The following ENAM variants were observed in gnomAD, a reference collection of about 807,000 sequenced individuals.
ENAM encodes enamelin.
Under a neutral mutation model 33.6 loss-of-function variants are expected in ENAM, and 21 were observed. That is an observed-to-expected ratio of 0.63 (90% CI 0.44 to 0.90). The LOEUF (loss-of-function observed/expected upper bound fraction) is 0.90. Among genes scored for constraint, ENAM ranks in the 40% least tolerant of loss-of-function variants. The probability of loss-of-function intolerance (pLI) is 0.00; values close to 1 mark genes in which losing one functional copy is unlikely to be tolerated. For missense variants in ENAM, 1,388 were observed against 1,366.9 expected, an observed-to-expected ratio of 1.02 and a Z score of -0.24; for synonymous variants, 473 against 468.4, an observed-to-expected ratio of 1.01 and a Z score of -0.13.
chr4:70,632,390 T>A (rs996455613), intron 4 of ENAM, among the ~76,000 whole-genome samples: 3 of 152,090 alleles, frequency 2.0e-5, no homozygotes, highest in Admixed American at 6.6e-5. Context: ...TTATTTTCTA[T>A]GATTCTCTAT....
rs1211450559 is a variant in ENAM at position 70,645,019 on chromosome 4, G to C, written c.*164G>C. ...TAGGAGTAGCGACCCAGGTGGAGCT[G>C]AGATTAGGCCTCTGGGGATCACCAG... On this transcript the variant is annotated 3_prime_UTR_variant, in exon 9 of 9. Transcript: ENST00000396073. The C allele has an allele frequency of 3.0e-6, 2 of 666,302 alleles. No homozygotes were observed. The highest frequency in any genetic ancestry group is 3.6e-5 in the African/African-American group (2 of 56,174). The allele number at this position is 666,302 out of a possible 1,614,324, so 41.3% of individuals were successfully genotyped here.
rs767599932 is a variant in ENAM, at chr4:70,642,059, C to T, written c.633C>T (p.Arg211=). The part of the protein sequence containing the change: ...GYFGYHGFGG[R]PPYYSEEMFE... ...TTGGATATCATGGCTTTGGGGGTCG[C>T]CCTCCTTATTATTCAGAAGAAATGT... Residue 211 remains arginine, a synonymous_variant, in exon 9 of 9, where the codon CGC becomes CGT. Coordinates refer to ENST00000396073, the MANE Select transcript of ENAM (RefSeq NM_031889.3). The T allele has an allele frequency of 6.2e-7, 1 of 1,613,968 alleles. No homozygotes were observed. Among genetic ancestry groups the T allele is most frequent in the East Asian group, 2.2e-5 (1 of 44,888 alleles).
At chr4:70,633,153 C>T (rs1008639355) in intron 5 of ENAM, among the ~76,000 whole-genome samples, 2 of 152,102 alleles carry the variant, frequency 1.3e-5, no homozygotes, top group African/African-American at 4.8e-5. Flanking sequence ...ATTGTCAGAA[C>T]AGACAAATCA....
intron 7 of ENAM, among the ~76,000 whole-genome samples, chr4:70,637,350 T>C (rs1738476902): frequency 6.6e-6 from 1 of 152,184 alleles, no homozygotes; most frequent in Non-Finnish European, 1.5e-5. Flanking sequence ...AGCCACATTC[T>C]AAAAATAACA....
intron 8 of ENAM, among the ~76,000 whole-genome samples, chr4:70,638,449 CTTTTTTTTTTTTTTT>C (rs766513652): frequency 1.7e-5 from 1 of 58,902 alleles, no homozygotes; most frequent in African/African-American, 8.1e-5. Context: ...ACAGATTGTT[CTTTTTTTTTTTTTTT>C]TTTTTTTTTT....
Position 70,633,524 on chromosome 4 carries a change from A to G in ENAM, c.211-784A>G, listed in dbSNP as rs140972980. 2.2e-4 allele frequency among the ~76,000 whole-genome samples: 34 copies of G among 152,298 alleles called. No homozygotes were observed. In the East Asian group the frequency reaches 6.2e-3, roughly 28 times the overall value. On this transcript the variant is annotated intron_variant, in intron 5 of 8. Transcript: ENST00000396073. ...AATTTTGAATTTCATCAATCCACAAAGCGTGGGTACATCATCTAATAGATA... is the reference window on the plus strand; with the variant it reads ...AATTTTGAATTTCATCAATCCACAAGGCGTGGGTACATCATCTAATAGATA...
At chr4:70,629,910 C>T (rs1046880770) in intron 2 of ENAM, among the ~76,000 whole-genome samples, 1 of 152,086 alleles carries the variant, frequency 6.6e-6, no homozygotes, top group African/African-American at 2.4e-5. Context: ...GTGACAGCTA[C>T]TAGAGAGATG....
chr4:70,638,855 C>T (rs1229154905), intron 8 of ENAM, among the ~76,000 whole-genome samples: 3 of 150,438 alleles, frequency 2.0e-5, no homozygotes, highest in Non-Finnish European at 4.4e-5. Context: ...TGCAGTGGCA[C>T]GATCTCGGCT....
At chr4:70,629,150 GT>G (rs1473272915) in intron 1 of ENAM, among the ~76,000 whole-genome samples, 186 bp downstream of exon 1, 1 of 152,050 alleles carries the variant, frequency 6.6e-6, no homozygotes, top group African/African-American at 2.4e-5. Flanking sequence ...TTTCTTGTAA[GT>G]TTTTTCCAGC....
rs1051721129 is a variant in ENAM at position 70,645,181 on chromosome 4, T to C, written c.*326T>C. ...GACTTCTTTTGCTCTCAAAGTTCCATACTTGCAAAATTGGTTTTTCAAGAC... is the reference window on the plus strand; with the variant it reads ...GACTTCTTTTGCTCTCAAAGTTCCACACTTGCAAAATTGGTTTTTCAAGAC... On this transcript the variant is annotated 3_prime_UTR_variant, in exon 9 of 9. Coordinates refer to ENST00000396073, the MANE Select transcript of ENAM (RefSeq NM_031889.3). The C allele has an allele frequency of 8.2e-6, 4 of 488,746 alleles. No homozygotes were observed. The highest frequency in any genetic ancestry group is 5.7e-5 in the African/African-American group (3 of 52,198). The allele number at this position is 488,746 out of a possible 1,614,324, so 30.3% of individuals were successfully genotyped here.
At chr4:70,640,514 A>AG (rs1256428647) in intron 8 of ENAM, among the ~76,000 whole-genome samples, 5 of 152,332 alleles carry the variant, frequency 3.3e-5, no homozygotes, top group African/African-American at 1.2e-4. Flanking sequence ...ATAAAGTGCA[A>AG]GGGGGAGGAA....
rs377680076 is a variant in ENAM, at chr4:70,642,288, G to T, written c.862G>T (p.Gly288Trp). The change falls in exon 9 of 9, where the codon GGG (glycine) becomes TGG (tryptophan). Residue 288 changes from glycine (G) to tryptophan (W), a missense_variant. Physicochemically the swap from Gly to Trp is radical, Grantham distance 184. Coordinates refer to ENST00000396073, the MANE Select transcript of ENAM (RefSeq NM_031889.3). Reference protein sequence around the residue: ...NTGNNPPAQNGIGPLPAVNAS... With the variant: ...NTGNNPPAQNWIGPLPAVNAS... ...TGGGAACAACCCTCCAGCTCAAAAT[G>T]GGATTGGCCCACTCCCTGCAGTCAA... is the stretch of plus-strand genomic sequence containing the variant. 3 of 1,614,000 alleles carry T rather than the reference G, an allele frequency of 1.9e-6. No homozygotes were observed. In the African/African-American group the frequency reaches 4.0e-5, roughly 22 times the overall value.
chr4:70,636,909 T>C lies in ENAM; in HGVS notation c.535-881T>C, dbSNP rs537614539. Among the ~76,000 whole-genome samples the C allele has an allele frequency of 1.3e-4, 20 of 152,348 alleles. No individual in the cohort carries two copies. The South Asian group carries it at 3.7e-3, about 28-fold the overall frequency. The stretch of plus-strand genomic sequence containing the variant: ...AAATACGAATGGCAAAATAAACTTT[T>C]TGAACTAAAGAAATGTTAAAGGCCA... On this transcript the variant is annotated intron_variant, in intron 7 of 8. Transcript: ENST00000396073.
At chr4:70,637,314 T>A (rs1472924208) in intron 7 of ENAM, among the ~76,000 whole-genome samples, 1 of 152,200 alleles carries the variant, frequency 6.6e-6, no homozygotes, top group Non-Finnish European at 1.5e-5. Context: ...GGATTGTCAG[T>A]TTGGAGTTTG....
At chr4:70,634,735 G>C (rs1170394629) in intron 6 of ENAM, among the ~76,000 whole-genome samples, 167 bp downstream of exon 6, 1 of 152,142 alleles carries the variant, frequency 6.6e-6, no homozygotes, top group Non-Finnish European at 1.5e-5. Flanking sequence ...AATCTTGTTT[G>C]GTTGAAATTA....
At chr4:70,631,080 A>T (rs928621476) in intron 2 of ENAM, among the ~76,000 whole-genome samples, 28 of 152,120 alleles carry the variant, frequency 1.8e-4, no homozygotes, top group South Asian at 4.1e-4. Flanking sequence ...TGATGATAAT[A>T]ATAATAACAG....
Position 70,631,861 on chromosome 4 carries a change from C to T in ENAM, c.136C>T (p.Arg46Ter), listed in dbSNP as rs1250708465. ...CTCTTACTTCCAGATGCACATGCCC[C>T]GAATGCCTGGATTTAGCAGTAAAAG... ...NSVAMPMHMPRMPGFSSKSEE... is the reference protein window; with the variant it reads ...NSVAMPMHMP Residue 46 changes from arginine (R) to a stop codon, truncating the protein, a stop_gained, in exon 4 of 9, where the codon CGA becomes TGA. Coordinates refer to ENST00000396073, the MANE Select transcript of ENAM (RefSeq NM_031889.3). LOFTEE classifies it high-confidence loss of function. 1 of 1,614,002 alleles carries T rather than the reference C, an allele frequency of 6.2e-7. No individual in the cohort carries two copies. The highest frequency in any genetic ancestry group is 1.1e-5 in the South Asian group (1 of 91,080).
intron 8 of ENAM, among the ~76,000 whole-genome samples, chr4:70,641,421 C>A (rs1010467731): frequency 1.4e-5 from 2 of 142,278 alleles, no homozygotes; most frequent in African/African-American, 5.3e-5. Flanking sequence ...GATGGAGTCT[C>A]GCTGTTGCCA....
intron 2 of ENAM, among the ~76,000 whole-genome samples, chr4:70,630,287 T>C (rs1336818981): frequency 2.0e-5 from 3 of 152,162 alleles, no homozygotes; most frequent in Non-Finnish European, 4.4e-5. Context: ...CTATAGGAAG[T>C]AAACAGAAGG....
Sources: gnomAD v4.1 joint callset for allele counts (sites outside exome capture counted in the v4.1 genomes callset) on GRCh38, gnomAD v4.1.1 for gene constraint, MANE v1.5 for transcripts, NCBI Gene and HGNC (gene_info 2026-07-23, HGNC 2026-07-21) for gene names.